WWOX: variants seen among roughly 807,000 people sequenced by gnomAD.
WWOX encodes WW domain containing oxidoreductase.
A neutral mutation model predicts 46.2 loss-of-function variants in WWOX; 69 were observed. That is an observed-to-expected ratio of 1.49 (90% CI 1.23 to 1.82). The LOEUF is 1.82. WWOX is among the 40% of genes most tolerant of loss of function. The probability of loss-of-function intolerance (pLI) is 0.00; values close to 1 mark genes in which losing one functional copy is unlikely to be tolerated. For missense variants in WWOX, 919 were observed against 542.6 expected (o/e 1.69, Z -6.89); for synonymous variants, 359 against 202.6 (o/e 1.77, Z -6.56).
chr16:78,740,373 G>A lies in WWOX; in HGVS notation c.1056+307621G>A, dbSNP rs528858145. Among the ~76,000 whole-genome samples, 325 of 152,292 alleles carry A rather than the reference G, an allele frequency of 2.1e-3. 1 individual carries two copies. Among genetic ancestry groups the A allele is most frequent in the African/African-American group, 7.7e-3 (320 of 41,554 alleles). On this transcript the variant is annotated intron_variant, in intron 8 of 8. Coordinates refer to ENST00000566780, the MANE Select transcript of WWOX (RefSeq NM_016373.4). ...CTCTTGAAGCACAGTAAATGCTGAC[G>A]TGATTTGTGAAGATGGCTCTGCTAA...
At chr16:79,198,378 C>G (rs574537244) in intron 8 of WWOX, among the ~76,000 whole-genome samples, 1 of 152,120 alleles carries the variant, frequency 6.6e-6, no homozygotes, top group Non-Finnish European at 1.5e-5. Context: ...AGATTAAAAA[C>G]AAGTAAAGAA....
intron 8 of WWOX, among the ~76,000 whole-genome samples, chr16:78,562,354 G>C (rs775188416): frequency 3.9e-5 from 6 of 152,176 alleles, no homozygotes; most frequent in Admixed American, 2.0e-4. Flanking sequence ...GCAGTGTTGT[G>C]TGTTACTATA....
chr16:78,785,661 A>G (rs2050437788), intron 8 of WWOX, among the ~76,000 whole-genome samples: 1 of 152,178 alleles, frequency 6.6e-6, no homozygotes, highest in Admixed American at 6.5e-5. Flanking sequence ...CCATTACAAA[A>G]CCATTGTTGC....
intron 3 of WWOX, chr16:78,112,090 T>G (rs1042413707): frequency 6.6e-6 from 1 of 152,284 alleles, no homozygotes; most frequent in Admixed American, 6.5e-5. Flanking sequence ...CTTGTGTCTT[T>G]ATTTATTACA....
intron 8 of WWOX, among the ~76,000 whole-genome samples, chr16:78,955,911 G>A (rs1393765952): frequency 6.6e-6 from 1 of 151,116 alleles, no homozygotes; most frequent in Non-Finnish European, 1.5e-5. Context: ...GCCTCCCAAA[G>A]TGCTGAGATT....
At chr16:78,150,159 A>G (rs1179270331) in intron 4 of WWOX, among the ~76,000 whole-genome samples, 1 of 152,180 alleles carries the variant, frequency 6.6e-6, no homozygotes, top group Non-Finnish European at 1.5e-5. Flanking sequence ...CAGGCTTGAT[A>G]ATTTGCTATA....
chr16:78,921,835 C>T (rs1430022003), intron 8 of WWOX, among the ~76,000 whole-genome samples: 3 of 152,178 alleles, frequency 2.0e-5, no homozygotes, highest in African/African-American at 7.2e-5. Flanking sequence ...TCCTCAAACC[C>T]ATCCTCATGG....
chr16:78,356,071 T>TAAAAAAAAAAAAAAAAAA lies in WWOX; in HGVS notation c.517-30784_517-30767dup, dbSNP rs61113878. On this transcript the variant is annotated intron_variant, in intron 5 of 8. Coordinates refer to ENST00000566780, the MANE Select transcript of WWOX (RefSeq NM_016373.4). ...TATGACCACCAAGATTTTTTTTTCC[T>TAAAAAAAAAAAAAAAAAA]AAAAAAAAAAAAAAAAAAAAAAGAA... 3.7e-4 allele frequency among the ~76,000 whole-genome samples: 28 copies of TAAAAAAAAAAAAAAAAAA among 76,132 alleles called. 1 individual carries two copies. Among genetic ancestry groups the TAAAAAAAAAAAAAAAAAA allele is most frequent in the African/African-American group, 1.0e-3 (22 of 21,588 alleles). The allele number at this position is 76,132 out of a possible 152,430, so 49.9% of individuals were successfully genotyped here.
At chr16:78,442,555 T>C (rs2083468013) in intron 8 of WWOX, among the ~76,000 whole-genome samples, 1 of 152,194 alleles carries the variant, frequency 6.6e-6, no homozygotes, top group Non-Finnish European at 1.5e-5. Context: ...AGTATTTGTC[T>C]TTCTGCGCCT....
At chr16:78,904,356 A>G (rs1229299750) in intron 8 of WWOX, among the ~76,000 whole-genome samples, 1 of 149,240 alleles carries the variant, frequency 6.7e-6, no homozygotes, top group Non-Finnish European at 1.5e-5. Flanking sequence ...CTCCTGCCTC[A>G]GCGTCCTGAG....
At chr16:79,040,794 G>T (rs997308407) in intron 8 of WWOX, among the ~76,000 whole-genome samples, 2 of 151,966 alleles carry the variant, frequency 1.3e-5, no homozygotes, top group African/African-American at 4.8e-5. Context: ...TGAGTGCTTT[G>T]TCCTTGTCCG....
At chr16:78,456,148 C>T (rs995426873) in intron 8 of WWOX, among the ~76,000 whole-genome samples, 1 of 152,192 alleles carries the variant, frequency 6.6e-6, no homozygotes, top group Non-Finnish European at 1.5e-5. Context: ...TAAATCCCTG[C>T]CACCCACAGC....
intron 8 of WWOX, among the ~76,000 whole-genome samples, chr16:78,441,531 C>T (rs906398019): frequency 2.6e-5 from 4 of 152,004 alleles, no homozygotes; most frequent in African/African-American, 4.8e-5. Flanking sequence ...ATGTAAGGGA[C>T]GTATCCAGCG....
At chr16:78,567,414 G>A (rs897882354) in intron 8 of WWOX, among the ~76,000 whole-genome samples, 3 of 151,684 alleles carry the variant, frequency 2.0e-5, no homozygotes, top group Non-Finnish European at 4.4e-5. Context: ...TTAGCCCGGC[G>A]TGGTGGCGGG....
intron 5 of WWOX, among the ~76,000 whole-genome samples, chr16:78,311,921 A>G (rs955432426): frequency 2.0e-5 from 3 of 152,150 alleles, no homozygotes; most frequent in African/African-American, 4.8e-5. Context: ...GCTAAAATCC[A>G]GGTGTCTTCA....
chr16:78,847,797 G>C (rs961926937), intron 8 of WWOX, among the ~76,000 whole-genome samples: 2 of 152,000 alleles, frequency 1.3e-5, no homozygotes, highest in Non-Finnish European at 2.9e-5. Context: ...GAAGAAAAAG[G>C]AAAACAGTAT....
At chr16:79,113,432 A>T (rs2049454275) in intron 8 of WWOX, among the ~76,000 whole-genome samples, 1 of 152,238 alleles carries the variant, frequency 6.6e-6, no homozygotes, top group African/African-American at 2.4e-5. Context: ...CAGGACATTC[A>T]CATCCAGGCA....
chr16:78,315,819 G>GT (rs11445305), intron 5 of WWOX, among the ~76,000 whole-genome samples: 4,222 of 151,870 alleles, frequency 0.028, 186 homozygotes, highest in African/African-American at 0.096. Context: ...GATTCCATTA[G>GT]TTTAAAAAAA....
At chr16:79,055,145 C>A (rs1423134791) in intron 8 of WWOX, among the ~76,000 whole-genome samples, 2 of 152,196 alleles carry the variant, frequency 1.3e-5, no homozygotes, top group Non-Finnish European at 2.9e-5. Context: ...AAAAAACATT[C>A]CTCCTCAGAT....
Sources: allele counts gnomAD v4.1 joint callset (sites outside exome capture counted in the v4.1 genomes callset), GRCh38; gene constraint gnomAD v4.1.1; transcripts MANE v1.5; gene names NCBI Gene and HGNC (gene_info 2026-07-23, HGNC 2026-07-21).